Variants in CCDC110 observed in about 807,000 individuals in gnomAD.
The protein encoded by CCDC110 is coiled-coil domain containing 110.
CCDC110 carries 70 observed loss-of-function variants against 77.1 expected under a neutral mutation model. The observed-to-expected ratio is 0.91, with a 90% CI of 0.75 to 1.11. CCDC110 has a LOEUF of 1.11. Ranked by LOEUF, CCDC110 falls within the 50% of genes least tolerant of loss-of-function variation. The probability of loss-of-function intolerance (pLI) is 0.00; values close to 1 mark genes in which losing one functional copy is unlikely to be tolerated. For missense variants in CCDC110, 868 were observed against 942.9 expected (o/e 0.92, Z 1.04); for synonymous variants, 295 against 312.5 (o/e 0.94, Z 0.59).
rs186760829 is a variant in CCDC110 at position 185,458,122 on chromosome 4, G to A, written c.2461+4C>T. On this transcript the variant is annotated splice_donor_region_variant and intron_variant, in intron 6 of 6. Coordinates refer to ENST00000307588, the MANE Select transcript of CCDC110 (RefSeq NM_152775.4). ...TCTCTACTAATCTACCAGGACTTGC[G>A]TACCTTTCAAATCCGAAGCCAAAGG... 2.4e-5 allele frequency: 37 copies of A among 1,534,328 alleles called. No individual in the cohort carries two copies. Among genetic ancestry groups the A allele is most frequent in the Middle Eastern group, 1.7e-4 (1 of 5,718 alleles).
intron 6 of CCDC110, 79 bp from the exon 7 acceptor site, chr4:185,445,621 G>T (rs2095608479): frequency 7.5e-6 from 7 of 937,372 alleles, no homozygotes; most frequent in South Asian, 1.7e-5. Context: ...ATATTATCAA[G>T]GTATCTTAAA....
chr4:185,453,423 A>G (rs1484303071), intron 6 of CCDC110, among the ~76,000 whole-genome samples: 1 of 152,160 alleles, frequency 6.6e-6, no homozygotes, highest in Non-Finnish European at 1.5e-5. Flanking sequence ...TGCATTCCAT[A>G]TTAATATGTT....
rs530538287 is a variant in CCDC110 at position 185,455,999 on chromosome 4, G to A, written c.2461+2127C>T. ...CTATCAGTAACTGTTAGAACAAGCAGACACAAGATCAGTACAGATATAGAT... is the reference window on the plus strand; with the variant it reads ...CTATCAGTAACTGTTAGAACAAGCAAACACAAGATCAGTACAGATATAGAT... On this transcript the variant is annotated intron_variant, in intron 6 of 6. Coordinates refer to ENST00000307588, the MANE Select transcript of CCDC110 (RefSeq NM_152775.4). Among the ~76,000 whole-genome samples, 6 of 152,212 alleles carry A rather than the reference G, an allele frequency of 3.9e-5. No homozygotes were observed. The East Asian group carries it at 1.2e-3, about 29-fold the overall frequency.
In CCDC110 at chr4:185,457,715, TG is replaced by T. The variant is rs1189749769; in HGVS notation, c.2461+410del. The T allele has an allele frequency of 2.0e-5, 23 of 1,175,136 alleles. No homozygotes were observed. The South Asian group carries it at 2.6e-4, about 13-fold the overall frequency. The allele number at this position is 1,175,136 out of a possible 1,614,324, so 72.8% of individuals were successfully genotyped here. ...AATCACATAATTTAAAATTATTTTG[TG>T]GGGGGAAAAAGTACTTGGACAAAGG... On this transcript the variant is annotated intron_variant, in intron 6 of 6. Coordinates refer to ENST00000307588, the MANE Select transcript of CCDC110 (RefSeq NM_152775.4).
At chr4:185,448,802 G>C (rs2095622384) in intron 6 of CCDC110, among the ~76,000 whole-genome samples, 1 of 152,110 alleles carries the variant, frequency 6.6e-6, no homozygotes, top group Admixed American at 6.5e-5. Context: ...CAGTATTTCA[G>C]GTTTTCTATG....
At position 185,459,554 on chromosome 4, in the gene CCDC110, T is replaced by G; in HGVS notation, c.1033A>C (p.Lys345Gln). Residue 345 changes from lysine to glutamine, a missense_variant, in exon 6 of 7, where the codon AAG becomes CAG. Physicochemically the swap from Lys to Gln is moderately conservative, Grantham distance 53. Coordinates refer to ENST00000307588, the MANE Select transcript of CCDC110 (RefSeq NM_152775.4). Reference protein sequence around the residue: ...HFCRKCKKLSKSEMHRGKKNE... With the variant: ...HFCRKCKKLSQSEMHRGKKNE... ...TTCTTTCCCCTGTGCATTTCACTCT[T>G]AGATAACTTTTTACATTTTCTACAA... is the stretch of plus-strand genomic sequence containing the variant. The G allele has an allele frequency of 6.2e-7, 1 of 1,613,170 alleles. No individual in the cohort carries two copies. Among genetic ancestry groups the G allele is most frequent in the Non-Finnish European group, 8.5e-7 (1 of 1,179,556 alleles).
intron 6 of CCDC110, among the ~76,000 whole-genome samples, chr4:185,451,066 A>G (rs2095628396): frequency 1.3e-5 from 2 of 152,076 alleles, no homozygotes; most frequent in Admixed American, 1.3e-4. Flanking sequence ...GTGGTAGTGA[A>G]TAAGTCTCCC....
At chr4:185,448,352 G>A (rs1487059267) in intron 6 of CCDC110, among the ~76,000 whole-genome samples, 8 of 152,094 alleles carry the variant, frequency 5.3e-5, no homozygotes, top group Admixed American at 3.3e-4. Flanking sequence ...ATTTTGAATG[G>A]TAGCTTAACT....
intron 4 of CCDC110, among the ~76,000 whole-genome samples, 193 bp from the exon 5 acceptor site, chr4:185,461,352 C>T (rs1243220675): frequency 1.3e-5 from 2 of 152,094 alleles, no homozygotes; most frequent in Non-Finnish European, 2.9e-5. Context: ...GAAAATTATG[C>T]CTTGTTATAA....
chr4:185,471,505 GC>G, intron 1 of CCDC110, 168 bp downstream of exon 1: 1 of 660,698 alleles, frequency 1.5e-6, no homozygotes, highest in Non-Finnish European at 2.4e-6. Flanking sequence ...GACGCAGGGG[GC>G]CGCAGCGGGT....
At chr4:185,465,616 T>C (rs950430491) in intron 2 of CCDC110, among the ~76,000 whole-genome samples, 1 of 152,222 alleles carries the variant, frequency 6.6e-6, no homozygotes, top group Non-Finnish European at 1.5e-5. Context: ...CGGGGAACTT[T>C]GGAAGGTTTC....
At chr4:185,460,285 T>A (rs2095643764) in intron 5 of CCDC110, 47 bp from the exon 6 acceptor site, 1 of 1,402,462 alleles carries the variant, frequency 7.1e-7, no homozygotes, top group Non-Finnish European at 9.7e-7. Flanking sequence ...ATTTGCCACA[T>A]GATAAAGCAG....
At chr4:185,457,308 C>T (rs2095637320) in intron 6 of CCDC110, 1 of 456,150 alleles carries the variant, frequency 2.2e-6, no homozygotes, top group African/African-American at 2.0e-5. Flanking sequence ...GGAGCCAGGG[C>T]AGGCATGTGT....
chr4:185,471,029 C>T lies in CCDC110; in HGVS notation c.31G>A (p.Asp11Asn). 2 of 1,592,764 alleles carry T rather than the reference C, an allele frequency of 1.3e-6. No homozygotes were observed. The highest frequency in any genetic ancestry group is 1.7e-6 in the Non-Finnish European group (2 of 1,174,130). MSPEKQHREE[D>N]EVDSVLLSAS... ...GAAAGGAGAACGGAGTCAACTTCAT[C>T]CTCTTCCCGGTGCTGCTTTTCTGTA... The change falls in exon 2 of 7, where the codon GAT becomes AAT. Residue 11 changes from aspartate (D) to asparagine (N), a missense_variant. By Grantham distance (23) the Asp-to-Asn change is conservative. Coordinates refer to ENST00000307588, the MANE Select transcript of CCDC110 (RefSeq NM_152775.4).
chr4:185,469,294 G>A (rs2095661586), intron 2 of CCDC110, among the ~76,000 whole-genome samples: 2 of 152,302 alleles, frequency 1.3e-5, no homozygotes, highest in African/African-American at 4.8e-5. Flanking sequence ...TTCCTGGGTG[G>A]CCCCTGACTC....
chr4:185,447,083 T>G (rs1395691838), intron 6 of CCDC110, among the ~76,000 whole-genome samples: 2 of 152,242 alleles, frequency 1.3e-5, no homozygotes, highest in Non-Finnish European at 2.9e-5. Flanking sequence ...ACTGAACTTC[T>G]ATCTCAAACC....
At chr4:185,446,726 CA>C (rs2095612804) in intron 6 of CCDC110, among the ~76,000 whole-genome samples, 1 of 132,706 alleles carries the variant, frequency 7.5e-6, no homozygotes, top group Non-Finnish European at 1.7e-5. Context: ...TAGCCCACAA[CA>C]TTTTTTGTGA....
chr4:185,457,927 C>T (rs971129944), intron 6 of CCDC110, 199 bp downstream of exon 6: 5 of 623,842 alleles, frequency 8.0e-6, no homozygotes, highest in African/African-American at 7.8e-5. Flanking sequence ...ATACAATGCA[C>T]ATAATATAAA....
At chr4:185,452,280 C>T in intron 6 of CCDC110, 1 of 985,416 alleles carries the variant, frequency 1.0e-6, no homozygotes, top group Non-Finnish European at 1.2e-6. Context: ...TTTTCTGCAT[C>T]CATCGTCAAT....
Sources: allele counts gnomAD v4.1 joint callset (sites outside exome capture counted in the v4.1 genomes callset), GRCh38; gene constraint gnomAD v4.1.1; transcripts MANE v1.5; gene names NCBI Gene and HGNC (gene_info 2026-07-23, HGNC 2026-07-21).